The following RPS6KA3 variants were observed in gnomAD, a reference collection of about 807,000 sequenced individuals.
The protein encoded by RPS6KA3 is ribosomal protein S6 kinase alpha-3.
In RPS6KA3, 4 loss-of-function variants were observed where a neutral mutation model predicts 67.2. The ratio of observed to expected loss-of-function variants is 0.06; its 90% CI spans 0.03 to 0.14. RPS6KA3 has a LOEUF of 0.14. Ranked by LOEUF, RPS6KA3 falls within the 10% of genes least tolerant of loss-of-function variation. The pLI, the probability that RPS6KA3 is intolerant of heterozygous loss-of-function variation, is 1.00. For missense variants in RPS6KA3, 204 were observed against 559.0 expected (o/e 0.36, Z 6.40); for synonymous variants, 182 against 183.7 (o/e 0.99, Z 0.07).
At chrX:20,168,004 C>T (rs1050310420) in intron 16 of RPS6KA3, among the ~76,000 whole-genome samples, 1 of 112,074 alleles carries the variant, frequency 8.9e-6, no homozygotes, top group African/African-American at 3.2e-5. Context: ...CATGCCACCA[C>T]ACCTGGCTAA....
chrX:20,257,078 C>T (rs964579437), intron 1 of RPS6KA3, among the ~76,000 whole-genome samples: 11 of 111,879 alleles, frequency 9.8e-5, no homozygotes, highest in Admixed American at 6.6e-4. Context: ...ACCATGAGCA[C>T]GTTATTTAAC....
intron 7 of RPS6KA3, among the ~76,000 whole-genome samples, chrX:20,192,815 ACTCCTGGG>A (rs1187277864): frequency 1.4e-4 from 15 of 108,366 alleles, no homozygotes; most frequent in African/African-American, 4.7e-4. Flanking sequence ...CTGGTCTACA[ACTCCTGGG>A]CTCATGCAAT....
At chrX:20,181,482 G>T in intron 10 of RPS6KA3, among the ~76,000 whole-genome samples, 1 of 110,782 alleles carries the variant, frequency 9.0e-6, no homozygotes, top group Middle Eastern at 4.6e-3. Flanking sequence ...CACACAGTAA[G>T]GAGTCACTAT....
chrX:20,252,385 G>A (rs1261744546), intron 1 of RPS6KA3, among the ~76,000 whole-genome samples: 1 of 110,663 alleles, frequency 9.0e-6, no homozygotes, highest in Admixed American at 9.6e-5. Context: ...GATATTTGGA[G>A]ATTATAGGAC....
At chrX:20,204,639 C>T (rs2068530156) in intron 3 of RPS6KA3, among the ~76,000 whole-genome samples, 1 of 111,848 alleles carries the variant, frequency 8.9e-6, no homozygotes, top group Non-Finnish European at 1.9e-5. Context: ...GGTGGCACAC[C>T]CCTATAATCC....
chrX:20,236,033 T>C (rs1005321354), intron 1 of RPS6KA3, among the ~76,000 whole-genome samples: 32 of 111,422 alleles, frequency 2.9e-4, no homozygotes, highest in African/African-American at 1.0e-3. Flanking sequence ...GACAGTCACA[T>C]GTAAGAAGTG....
intron 2 of RPS6KA3, 94 bp downstream of exon 2, chrX:20,234,664 A>G: frequency 1.6e-6 from 1 of 643,158 alleles, no homozygotes; most frequent in Non-Finnish European, 2.6e-6. Context: ...AGTTTCTAAC[A>G]CTGTAAAATG....
At chrX:20,171,927 GA>G (rs773531492) in intron 15 of RPS6KA3, among the ~76,000 whole-genome samples, 1 of 112,081 alleles carries the variant, frequency 8.9e-6, no homozygotes, top group Non-Finnish European at 1.9e-5. Context: ...TCCTTCCAAT[GA>G]AGCAAATTAA....
In RPS6KA3 at chrX:20,187,822, C is replaced by T; in HGVS notation, c.774+6G>A. ...CCCTCTAAAAAATCCCAAATTCAAA[C>T]CTTACCATTAACACACCAAAAGACC... On this transcript the variant is annotated splice_donor_region_variant and intron_variant, in intron 9 of 21. Transcript: ENST00000379565. 8.3e-7 allele frequency: 1 copy of T among 1,205,672 alleles called. No homozygotes were observed. Among genetic ancestry groups the T allele is most frequent in the Non-Finnish European group, 1.1e-6 (1 of 890,100 alleles).
intron 2 of RPS6KA3, among the ~76,000 whole-genome samples, chrX:20,230,691 T>G (rs1410296938): frequency 9.0e-6 from 1 of 111,489 alleles, no homozygotes; most frequent in African/African-American, 3.3e-5. Flanking sequence ...CATAAAACTA[T>G]GGAGGTGTTT....
chrX:20,259,914 T>A (rs769532385), intron 1 of RPS6KA3, among the ~76,000 whole-genome samples: 9 of 111,291 alleles, frequency 8.1e-5, no homozygotes, highest in African/African-American at 2.3e-4. Context: ...CTCCAGAGAC[T>A]TTTCGGCTTG....
intron 7 of RPS6KA3, 71 bp downstream of exon 7, chrX:20,193,416 C>T: frequency 1.6e-6 from 1 of 623,540 alleles, no homozygotes; most frequent in South Asian, 2.4e-5. Flanking sequence ...TTTCATGAAG[C>T]CACTTGATTT....
At chrX:20,187,140 C>T (rs1410092596) in intron 9 of RPS6KA3, among the ~76,000 whole-genome samples, 1 of 111,938 alleles carries the variant, frequency 8.9e-6, no homozygotes, top group Non-Finnish European at 1.9e-5. Flanking sequence ...TGGTTTCGAA[C>T]TCCTGACTTT....
intron 17 of RPS6KA3, among the ~76,000 whole-genome samples, chrX:20,166,713 C>CTTTTTTTT (rs774405280): frequency 4.9e-5 from 4 of 81,386 alleles, no homozygotes; most frequent in African/African-American, 1.6e-4. Context: ...GACTTCCCTT[C>CTTTTTTTT]TTTTTTTTTT....
At chrX:20,230,311 A>G (rs901032303) in intron 2 of RPS6KA3, among the ~76,000 whole-genome samples, 2 of 112,269 alleles carry the variant, frequency 1.8e-5, no homozygotes, top group Non-Finnish European at 3.8e-5. Flanking sequence ...GGAATCTGGT[A>G]TGGTGTTGCC....
intron 10 of RPS6KA3, among the ~76,000 whole-genome samples, chrX:20,182,320 T>C (rs780392183): frequency 1.8e-5 from 2 of 112,272 alleles, no homozygotes; most frequent in Admixed American, 1.9e-4. Context: ...CTTTTGTGTC[T>C]GTACTTCCTT....
chrX:20,232,372 CGACCAGCCT>C (rs1295976116), intron 2 of RPS6KA3, among the ~76,000 whole-genome samples: 1 of 111,462 alleles, frequency 9.0e-6, no homozygotes, highest in East Asian at 2.8e-4. Flanking sequence ...CAGGAGTTTG[CGACCAGCCT>C]GACCAATATG....
chrX:20,252,816 TGGG>T (rs1179220607), intron 1 of RPS6KA3, among the ~76,000 whole-genome samples: 1 of 111,350 alleles, frequency 9.0e-6, no homozygotes, highest in Non-Finnish European at 1.9e-5. Context: ...ACTTGCCAGA[TGGG>T]AGTGAAGGCT....
chrX:20,256,172 C>CAAAAAAAA (rs35947983), intron 1 of RPS6KA3, among the ~76,000 whole-genome samples: 16 of 14,458 alleles, frequency 1.1e-3, no homozygotes, highest in East Asian at 3.3e-3. Flanking sequence ...GACACCGTCT[C>CAAAAAAAA]AAAAAAAAAA....
Sources: allele counts gnomAD v4.1 joint callset (sites outside exome capture counted in the v4.1 genomes callset), GRCh38; gene constraint gnomAD v4.1.1; transcripts MANE v1.5; gene names NCBI Gene and HGNC (gene_info 2026-07-23, HGNC 2026-07-21).